GUCY1B1: variants seen among roughly 807,000 people sequenced by gnomAD.
GUCY1B1 encodes the protein guanylate cyclase soluble subunit beta-1.
In GUCY1B1, 43 loss-of-function variants were observed where a neutral mutation model predicts 71.0. That is an observed-to-expected ratio of 0.61 (90% confidence interval 0.47 to 0.78). The LOEUF is 0.78. Among genes scored for constraint, GUCY1B1 ranks in the 30% least tolerant of loss-of-function variants. The pLI is 0.00. For synonymous variants in GUCY1B1, 266 were observed against 259.7 expected (o/e 1.02, Z -0.23); for missense variants, 535 against 754.1 (o/e 0.71, Z 3.40).
intron 2 of GUCY1B1, among the ~76,000 whole-genome samples, chr4:155,766,727 G>T (rs925724583): frequency 1.3e-5 from 2 of 152,092 alleles, no homozygotes; most frequent in Admixed American, 1.3e-4. Flanking sequence ...ACAATTACTA[G>T]ATTGGATTCA....
chr4:155,769,731 A>G (rs1737571331), intron 2 of GUCY1B1, among the ~76,000 whole-genome samples: 1 of 152,180 alleles, frequency 6.6e-6, no homozygotes, highest in South Asian at 2.1e-4. Context: ...AGCATTGAAA[A>G]AAATGACAGT....
intron 4 of GUCY1B1, among the ~76,000 whole-genome samples, chr4:155,781,937 A>G (rs1413186279): frequency 6.6e-6 from 1 of 152,134 alleles, no homozygotes; most frequent in African/African-American, 2.4e-5. Flanking sequence ...ACCTGGGTAT[A>G]TTGTTTTAAA....
intron 9 of GUCY1B1, among the ~76,000 whole-genome samples, chr4:155,801,429 G>C (rs1579257505): frequency 6.6e-6 from 1 of 152,110 alleles, no homozygotes; most frequent in African/African-American, 2.4e-5. Flanking sequence ...TAGTTTTACT[G>C]TTCATACTTA....
chr4:155,777,475 T>G (rs577358925), intron 3 of GUCY1B1, 49 bp from the exon 4 acceptor site: 1 of 926,868 alleles, frequency 1.1e-6, no homozygotes, highest in East Asian at 2.4e-5. Flanking sequence ...CTATTAACAA[T>G]ATTTCACCTA....
chr4:155,796,486 G>T lies in GUCY1B1; in HGVS notation c.953G>T (p.Ser318Ile). 1 of 1,610,542 alleles carries T rather than the reference G, an allele frequency of 6.2e-7. No individual in the cohort carries two copies. Among genetic ancestry groups the T allele is most frequent in the East Asian group, 2.2e-5 (1 of 44,836 alleles). ...GQMIYLPEAD[S>I]ILFLCSPSVM... ...ATGATCTACTTACCTGAAGCAGATA[G>T]CATACTTTTTCTATGTTCACCAAGG... Residue 318 changes from serine (S) to isoleucine (I), a missense_variant, in exon 8 of 14, where the codon AGC becomes ATC. Coordinates refer to ENST00000264424, the MANE Select transcript of GUCY1B1 (RefSeq NM_000857.5).
chr4:155,780,030 G>C (rs1463744129), intron 4 of GUCY1B1, among the ~76,000 whole-genome samples: 2 of 152,022 alleles, frequency 1.3e-5, no homozygotes, highest in Non-Finnish European at 2.9e-5. Context: ...TGGATTCCCT[G>C]CTTCTCTTCA....
chr4:155,760,778 G>T (rs990715954), intron 2 of GUCY1B1, among the ~76,000 whole-genome samples: 2 of 152,162 alleles, frequency 1.3e-5, no homozygotes, highest in Admixed American at 6.5e-5. Flanking sequence ...TTGTAACAAA[G>T]GTGGAAGGAA....
At chr4:155,764,103 T>C (rs113002621) in intron 2 of GUCY1B1, among the ~76,000 whole-genome samples, 1 of 152,154 alleles carries the variant, frequency 6.6e-6, no homozygotes, top group African/African-American at 2.4e-5. Flanking sequence ...ATATCCATTG[T>C]ATCAAAGCAA....
intron 2 of GUCY1B1, among the ~76,000 whole-genome samples, chr4:155,773,844 C>T (rs370729654): frequency 4.6e-5 from 7 of 151,908 alleles, no homozygotes; most frequent in African/African-American, 9.7e-5. Context: ...CCCGCCACCA[C>T]GCCAGGCTAA....
At chr4:155,799,497 TGAGA>T (rs3070253) in intron 8 of GUCY1B1, among the ~76,000 whole-genome samples, 18,606 of 152,108 alleles carry the variant, frequency 0.12, 1,219 homozygotes, top group Admixed American at 0.18. Flanking sequence ...TTATTATTCT[TGAGA>T]GAGAGAATAA....
chr4:155,789,712 A>C lies in GUCY1B1; in HGVS notation c.298-2A>C, dbSNP rs757820972. ...TTGGTCTCCCTTTCTTCTTTGCTGC[A>C]GAACCTTGATGCTCTGCACGACCAC... On this transcript the variant is annotated splice_acceptor_variant, in intron 4 of 13. Transcript: ENST00000264424. LOFTEE classifies it high-confidence loss of function. The C allele has an allele frequency of 6.4e-7, 1 of 1,565,754 alleles. No individual in the cohort carries two copies. Among genetic ancestry groups the C allele is most frequent in the Admixed American group, 1.8e-5 (1 of 55,004 alleles).
chr4:155,768,996 T>G (rs1163940900), intron 2 of GUCY1B1, among the ~76,000 whole-genome samples: 1 of 152,150 alleles, frequency 6.6e-6, no homozygotes, highest in African/African-American at 2.4e-5. Flanking sequence ...ATGACTAAGA[T>G]TTTGTTGTCA....
chr4:155,769,353 GT>G (rs1737548854), intron 2 of GUCY1B1, among the ~76,000 whole-genome samples: 1 of 152,022 alleles, frequency 6.6e-6, no homozygotes, highest in Admixed American at 6.6e-5. Flanking sequence ...CTTTATCTAG[GT>G]TTACTTGTTA....
chr4:155,764,836 C>A (rs191700667), intron 2 of GUCY1B1, among the ~76,000 whole-genome samples: 1 of 152,218 alleles, frequency 6.6e-6, no homozygotes, highest in East Asian at 1.9e-4. Context: ...GCATAGGGCT[C>A]TTCCAGAACC....
chr4:155,778,920 A>G lies in GUCY1B1; in HGVS notation c.297+1278A>G, dbSNP rs142325796. On this transcript the variant is annotated intron_variant, in intron 4 of 13. Transcript: ENST00000264424. ...TTCTGACTTATAACTCTCTCTCTCA[A>G]TGCCCATGTTTACATAACAAAACAA... Among the ~76,000 whole-genome samples the G allele has an allele frequency of 2.6e-3, 391 of 151,542 alleles. 1 individual carries two copies. Among genetic ancestry groups the G allele is most frequent in the African/African-American group, 8.9e-3 (368 of 41,354 alleles).
intron 5 of GUCY1B1, among the ~76,000 whole-genome samples, chr4:155,792,952 A>C (rs893088867): frequency 6.6e-6 from 1 of 152,242 alleles, no homozygotes; most frequent in Non-Finnish European, 1.5e-5. Context: ...AAGAATCCAC[A>C]AAATTTTAAG....
At chr4:155,773,330 G>A (rs540018135) in intron 2 of GUCY1B1, among the ~76,000 whole-genome samples, 1 of 152,136 alleles carries the variant, frequency 6.6e-6, no homozygotes, top group South Asian at 2.1e-4. Flanking sequence ...TTTAAACAAT[G>A]GATTTCACCT....
At chr4:155,805,717 A>G (rs1373852765) in intron 13 of GUCY1B1, among the ~76,000 whole-genome samples, 2 of 152,148 alleles carry the variant, frequency 1.3e-5, no homozygotes, top group East Asian at 1.9e-4. Flanking sequence ...CTAGTCCCTC[A>G]TGTGTTTCTC....
intron 2 of GUCY1B1, among the ~76,000 whole-genome samples, chr4:155,769,904 A>G (rs569298529): frequency 2.0e-5 from 3 of 152,324 alleles, no homozygotes; most frequent in African/African-American, 7.2e-5. Context: ...TGTATACATA[A>G]TGCAACAATT....
Sources: gnomAD v4.1 joint callset for allele counts (sites outside exome capture counted in the v4.1 genomes callset) on GRCh38, gnomAD v4.1.1 for gene constraint, MANE v1.5 for transcripts, NCBI Gene and HGNC (gene_info 2026-07-23, HGNC 2026-07-21) for gene names.